The following ACCSL variants were observed in gnomAD, a reference collection of about 807,000 sequenced individuals.
ACCSL encodes the protein 1-aminocyclopropane-1-carboxylate synthase homolog (inactive) like, also known as probable inactive 1-aminocyclopropane-1-carboxylate synthase-like protein 2.
Under a neutral mutation model 61.7 loss-of-function variants are expected in ACCSL, and 55 were observed. The observed-to-expected ratio is 0.89, with a 90% confidence interval of 0.72 to 1.12. The LOEUF (loss-of-function observed/expected upper bound fraction) is 1.12. Among genes scored for constraint, ACCSL ranks in the 50% most tolerant of loss-of-function variants. ACCSL has a pLI of 0.00. For missense variants in ACCSL, 632 were observed against 698.0 expected, an observed-to-expected ratio of 0.91 and a Z score of 1.07; for synonymous variants, 258 against 264.3, an observed-to-expected ratio of 0.98 and a Z score of 0.23.
At chr11:44,056,378 G>A in intron 11 of ACCSL, 52 bp downstream of exon 11, 1 of 1,573,046 alleles carries the variant, frequency 6.4e-7, no homozygotes, top group Non-Finnish European at 8.6e-7. Flanking sequence ...ATGGCCATGG[G>A]GAATTCTTGG....
chr11:43,942,073 TGTGC>T, the ACCSL span, among the ~76,000 whole-genome samples: 4 of 136,580 alleles, frequency 2.9e-5, no homozygotes, highest in South Asian at 4.7e-4. Context: ...TGTGTGTGTG[TGTGC>T]GCGCGCGCGC....
chr11:43,999,212 G>A, the ACCSL span, among the ~76,000 whole-genome samples: 1 of 152,182 alleles, frequency 6.6e-6, no homozygotes, highest in African/African-American at 2.4e-5. Flanking sequence ...CTTACAGTGT[G>A]CCAAGCCCCG....
chr11:43,952,316 C>T, the ACCSL span, among the ~76,000 whole-genome samples: 7,839 of 152,158 alleles, frequency 0.052, 229 homozygotes, highest in Admixed American at 0.097. Context: ...TAAGTGAGAA[C>T]GTGCAGTATT....
the ACCSL span, among the ~76,000 whole-genome samples, chr11:44,003,104 A>G: frequency 1.3e-5 from 2 of 152,346 alleles, no homozygotes; most frequent in South Asian, 4.1e-4. Flanking sequence ...AAATGTTATT[A>G]TATTTTGCAG....
the ACCSL span, among the ~76,000 whole-genome samples, chr11:43,929,741 T>C: frequency 2.0e-5 from 3 of 152,262 alleles, no homozygotes; most frequent in East Asian, 5.8e-4. Flanking sequence ...GATGAGGTCT[T>C]GCTACATGGC....
At position 44,056,072 on chromosome 11, in the gene ACCSL, G is replaced by A. The variant is rs1324040970; in HGVS notation, c.1172G>A (p.Trp391Ter). 1 of 1,614,204 alleles carries A rather than the reference G, an allele frequency of 6.2e-7. No homozygotes were observed. The highest frequency in any genetic ancestry group is 8.5e-7 in the Non-Finnish European group (1 of 1,180,046). Reference protein sequence around the residue: ...LPDSNRTHVIWGTSKDFGISG... With the variant: ...LPDSNRTHVI The stretch of plus-strand genomic sequence containing the variant: ...GATAGCAACAGGACCCATGTGATCT[G>A]GGGTACCAGTAAGGTGAGCCATTGC... Residue 391 changes from tryptophan to a stop codon, truncating the protein, a stop_gained, in exon 10 of 14, where the codon TGG becomes TAG. Transcript: ENST00000378832. LOFTEE classifies it high-confidence loss of function.
At chr11:44,022,131 TG>T in the ACCSL span, among the ~76,000 whole-genome samples, 1 of 152,118 alleles carries the variant, frequency 6.6e-6, no homozygotes, top group South Asian at 2.1e-4. Flanking sequence ...AGTTTAGGGT[TG>T]TTTTTTCTAG....
the ACCSL span, among the ~76,000 whole-genome samples, chr11:44,030,057 A>AT: frequency 0.057 from 255 of 4,450 alleles, 99 homozygotes; most frequent in East Asian, 0.076. Context: ...TCTTTGGTTG[A>AT]TTTTTTTTTT....
the ACCSL span, among the ~76,000 whole-genome samples, chr11:43,922,022 T>C: frequency 6.6e-6 from 1 of 152,200 alleles, no homozygotes; most frequent in Admixed American, 6.5e-5. Context: ...GTTTTGCTGG[T>C]GCTAGATCTG....
chr11:43,949,984 G>A, the ACCSL span, among the ~76,000 whole-genome samples: 1 of 152,192 alleles, frequency 6.6e-6, no homozygotes, highest in Non-Finnish European at 1.5e-5. Flanking sequence ...TACATTGAAA[G>A]TCATTCCTCT....
intron 7 of ACCSL, 95 bp from the exon 8 acceptor site, chr11:44,053,311 C>CT (rs1952651121): frequency 7.8e-7 from 1 of 1,286,676 alleles, no homozygotes; most frequent in Non-Finnish European, 1.1e-6. Flanking sequence ...CTACCTAGGC[C>CT]TTTTTGGGTG....
the ACCSL span, chr11:43,943,787 G>C: frequency 7.7e-7 from 1 of 1,303,890 alleles, no homozygotes; most frequent in African/African-American, 1.5e-5. This position sits in a 1 kb window ranked among gnomAD's most constrained non-coding sequence, Gnocchi z 4.8. Context: ...TTTGCATTGC[G>C]ATGGCTGAAG....
chr11:43,942,234 C>T, the ACCSL span: 1 of 155,168 alleles, frequency 6.4e-6, no homozygotes, highest in Admixed American at 6.5e-5. Flanking sequence ...GGTGGAATAA[C>T]CAGCGCCTCA....
the ACCSL span, among the ~76,000 whole-genome samples, chr11:44,040,596 G>A: frequency 6.6e-6 from 1 of 152,302 alleles, no homozygotes; most frequent in East Asian, 1.9e-4. Flanking sequence ...GAGGGCGGCA[G>A]AGCAGGTCCC....
At chr11:44,053,767 C>T (rs1365540934) in intron 8 of ACCSL, among the ~76,000 whole-genome samples, 1 of 152,160 alleles carries the variant, frequency 6.6e-6, no homozygotes, top group Non-Finnish European at 1.5e-5. Context: ...GAGGCTGAGA[C>T]ATGAGAATTG....
At chr11:43,925,477 C>T in the ACCSL span, 2 of 455,730 alleles carry the variant, frequency 4.4e-6, no homozygotes, top group Non-Finnish European at 8.8e-6. Flanking sequence ...CTTGAGGTAG[C>T]GTCGTCCTCC....
chr11:43,966,425 CAA>C, the ACCSL span, among the ~76,000 whole-genome samples: 13 of 102,136 alleles, frequency 1.3e-4, no homozygotes, highest in Non-Finnish European at 1.4e-4. Flanking sequence ...GACTCTGTCT[CAA>C]AAAAAAAAAA....
chr11:44,002,920 G>A, the ACCSL span, among the ~76,000 whole-genome samples: 8 of 152,082 alleles, frequency 5.3e-5, no homozygotes, highest in African/African-American at 7.2e-5. Flanking sequence ...GTCTGGATGC[G>A]GCATGGTGAG....
chr11:43,934,905 T>C, the ACCSL span, among the ~76,000 whole-genome samples: 64 of 152,306 alleles, frequency 4.2e-4, no homozygotes, highest in East Asian at 8.7e-3. Flanking sequence ...GTTGCTTTTT[T>C]AAAATCCCAG....
Sources: gnomAD v4.1 joint callset for allele counts (sites outside exome capture counted in the v4.1 genomes callset) on GRCh38, gnomAD v4.1.1 for gene constraint, Gnocchi (gnomAD v3.1) non-coding constraint, MANE v1.5 for transcripts, NCBI Gene and HGNC (gene_info 2026-07-23, HGNC 2026-07-21) for gene names.